Variants in GRM5 observed in about 807,000 individuals in gnomAD.
The protein encoded by GRM5 is glutamate metabotropic receptor 5, also known as metabotropic glutamate receptor 5.
A neutral mutation model predicts 83.1 loss-of-function variants in GRM5; 19 were observed. The observed-to-expected ratio is 0.23, with a 90% CI of 0.16 to 0.34. The LOEUF (loss-of-function observed/expected upper bound fraction) is 0.34, where lower values mean the gene tolerates loss of function less well. GRM5 is among the 10% of genes least tolerant of loss of function. The pLI, the probability that GRM5 is intolerant of heterozygous loss-of-function variation, is 1.00. For synonymous variants in GRM5, 675 were observed against 633.6 expected (o/e 1.07, Z -0.98); for missense variants, 1,160 against 1,588.3 (o/e 0.73, Z 4.58).
chr11:89,020,933 C>T (rs1940967965), intron 2 of GRM5, among the ~76,000 whole-genome samples: 3 of 152,146 alleles, frequency 2.0e-5, no homozygotes, highest in African/African-American at 7.2e-5. Flanking sequence ...AGAATTAGGG[C>T]TCAAATCCAG....
intron 2 of GRM5, among the ~76,000 whole-genome samples, chr11:88,850,774 T>A (rs568203178): frequency 7.0e-4 from 107 of 152,184 alleles, no homozygotes; most frequent in Middle Eastern, 3.4e-3. Context: ...TTTACAGTTT[T>A]ATCCTATACA....
chr11:88,596,646 T>C (rs1937814021), intron 6 of GRM5, among the ~76,000 whole-genome samples: 3 of 152,238 alleles, frequency 2.0e-5, no homozygotes, highest in East Asian at 3.9e-4. Context: ...CTATGGTCCA[T>C]TGTTTGACAT....
At chr11:88,738,126 T>A (rs902901094) in intron 3 of GRM5, among the ~76,000 whole-genome samples, 1 of 152,090 alleles carries the variant, frequency 6.6e-6, no homozygotes, top group African/African-American at 2.4e-5. Context: ...TTTTTTGAAA[T>A]GTTTCTGTAT....
intron 8 of GRM5, among the ~76,000 whole-genome samples, chr11:88,553,464 C>T (rs994426171): frequency 1.3e-5 from 2 of 152,042 alleles, no homozygotes; most frequent in African/African-American, 4.8e-5. Flanking sequence ...AATGTGTCTG[C>T]CTGAGTCAGA....
chr11:88,524,214 C>CTTTT (rs71470770), intron 9 of GRM5, among the ~76,000 whole-genome samples: 101 of 101,346 alleles, frequency 1.0e-3, no homozygotes, highest in African/African-American at 1.3e-3. Flanking sequence ...TTCTTTCTTT[C>CTTTT]TTTTTTTTTT....
chr11:88,748,119 C>T (rs570603440), intron 3 of GRM5, among the ~76,000 whole-genome samples: 1 of 152,236 alleles, frequency 6.6e-6, no homozygotes, highest in Admixed American at 6.5e-5. Context: ...CACACCTCTC[C>T]CATGGATCTT....
rs558960582 is a variant in GRM5, at chr11:88,951,735, C to T, written c.661+95477G>A. On this transcript the variant is annotated intron_variant, in intron 2 of 9. Transcript: ENST00000305447. Reference sequence around the variant, plus strand: ...TCTATAGTGCAAGGATGTTGTGAGGCTAAAGATATTTTAAGTACAATTGTT... The same window carrying T: ...TCTATAGTGCAAGGATGTTGTGAGGTTAAAGATATTTTAAGTACAATTGTT... 4.6e-5 allele frequency among the ~76,000 whole-genome samples: 7 copies of T among 152,222 alleles called. No homozygotes were observed. The East Asian group carries it at 1.2e-3, about 25-fold the overall frequency.
rs1194098388 is a variant in GRM5, at chr11:88,570,571, ATTTT to A, written c.1691-2583_1691-2580del. Among the ~76,000 whole-genome samples, 400 of 46,244 alleles carry A rather than the reference ATTTT, an allele frequency of 8.6e-3. 6 individuals are homozygous for A. Among genetic ancestry groups the A allele is most frequent in the African/African-American group, 0.052 (384 of 7,368 alleles). The allele number at this position is 46,244 out of a possible 152,430, so 30.3% of individuals were successfully genotyped here. A position where few individuals can be genotyped will look rare whatever the true frequency, so the allele number is the denominator to read the frequency against. ...TAATAATATATATATATATATATAT[ATTTT>A]TTTTTTTTTTTTTTTTTTTTTTGAG... On this transcript the variant is annotated intron_variant, in intron 7 of 9. Coordinates refer to ENST00000305447, the MANE Select transcript of GRM5 (RefSeq NM_001143831.3).
At chr11:88,583,387 C>A (rs1411193380) in intron 7 of GRM5, among the ~76,000 whole-genome samples, 1 of 152,164 alleles carries the variant, frequency 6.6e-6, no homozygotes, top group African/African-American at 2.4e-5. Flanking sequence ...TAGAGAACGT[C>A]CCTATTGACA....
At chr11:88,614,015 A>G (rs1938400732) in intron 4 of GRM5, among the ~76,000 whole-genome samples, 1 of 152,156 alleles carries the variant, frequency 6.6e-6, no homozygotes, top group Admixed American at 6.5e-5. Context: ...TTCAGTGACA[A>G]TCTCTGAGGC....
In GRM5 at chr11:88,904,036, A is replaced by G. The variant is rs192047619; in HGVS notation, c.662-53881T>C. Reference sequence around the variant, plus strand: ...AGATGCTCTCATTGAGAATGAAATAAATGATTAAAGGGTCTCGAGATAGAT... The same window carrying G: ...AGATGCTCTCATTGAGAATGAAATAGATGATTAAAGGGTCTCGAGATAGAT... On this transcript the variant is annotated intron_variant, in intron 2 of 9. Coordinates refer to ENST00000305447, the MANE Select transcript of GRM5 (RefSeq NM_001143831.3). 8.7e-4 allele frequency among the ~76,000 whole-genome samples: 132 copies of G among 152,296 alleles called. 1 individual carries two copies. The highest frequency in any genetic ancestry group is 2.9e-3 in the African/African-American group (121 of 41,574).
intron 3 of GRM5, among the ~76,000 whole-genome samples, chr11:88,736,351 C>A (rs1375211063): frequency 6.6e-6 from 1 of 152,024 alleles, no homozygotes; most frequent in South Asian, 2.1e-4. Context: ...TTATCCAACC[C>A]TTACTCAGGT....
rs116768979 is a variant in GRM5 at position 88,583,063 on chromosome 11, T to A, written c.1690+7538A>T. On this transcript the variant is annotated intron_variant, in intron 7 of 9. Coordinates refer to ENST00000305447, the MANE Select transcript of GRM5 (RefSeq NM_001143831.3). ...TTAAGATAGTTATAATAATTGGAAA[T>A]GAAAAGAAATCTTCCCCATGTTTTT... 7.3e-3 allele frequency among the ~76,000 whole-genome samples: 1,108 copies of A among 151,524 alleles called. 11 individuals are homozygous for A. The highest frequency in any genetic ancestry group is 0.026 in the African/African-American group (1,070 of 41,298).
rs148046053 is a variant in GRM5 at position 88,974,550 on chromosome 11, T to C, written c.661+72662A>G. Among the ~76,000 whole-genome samples, 44 of 152,306 alleles carry C rather than the reference T, an allele frequency of 2.9e-4. No homozygotes were observed. The East Asian group carries it at 8.3e-3, about 29-fold the overall frequency. ...TAAAGAATCTTATATTCCAAGTTTA[T>C]ATTAGCCATGTGAATAAATGTCAGC... On this transcript the variant is annotated intron_variant, in intron 2 of 9. Transcript: ENST00000305447.
intron 7 of GRM5, 132 bp downstream of exon 7, chr11:88,590,469 G>A (rs981917408): frequency 1.4e-6 from 1 of 700,368 alleles, no homozygotes; most frequent in Non-Finnish European, 2.4e-6. Context: ...GGAAGCTTGT[G>A]TTCCCAAGGA....
At chr11:88,947,534 GT>G (rs1408589409) in intron 2 of GRM5, among the ~76,000 whole-genome samples, 2,314 of 145,174 alleles carry the variant, frequency 0.016, 64 homozygotes, top group African/African-American at 0.055. Flanking sequence ...TGCATTGTTA[GT>G]TTTTTTTTTT....
chr11:88,863,221 G>T (rs549075488), intron 2 of GRM5, among the ~76,000 whole-genome samples: 1 of 152,020 alleles, frequency 6.6e-6, no homozygotes, highest in African/African-American at 2.4e-5. Context: ...CAAAGGTCTA[G>T]AGTCGAAATG....
chr11:88,660,136 G>A (rs1939867129), intron 3 of GRM5, among the ~76,000 whole-genome samples: 1 of 152,212 alleles, frequency 6.6e-6, no homozygotes, highest in South Asian at 2.1e-4. Flanking sequence ...GGCATTGCCA[G>A]CTTCCAGTCC....
At chr11:88,873,452 T>C (rs2135564119) in intron 2 of GRM5, among the ~76,000 whole-genome samples, 1 of 151,724 alleles carries the variant, frequency 6.6e-6, no homozygotes, top group Admixed American at 6.6e-5. Context: ...GGATAGACCA[T>C]ATGTGAAGTA....
Sources: gnomAD v4.1 joint callset for allele counts (sites outside exome capture counted in the v4.1 genomes callset) on GRCh38, gnomAD v4.1.1 for gene constraint, MANE v1.5 for transcripts, NCBI Gene and HGNC (gene_info 2026-07-23, HGNC 2026-07-21) for gene names.